HAGH: variants seen among roughly 807,000 people sequenced by gnomAD.
HAGH encodes hydroxyacylglutathione hydrolase, mitochondrial.
A neutral mutation model predicts 35.1 loss-of-function variants in HAGH; 29 were observed. The ratio of observed to expected loss-of-function variants is 0.83; its 90% CI spans 0.62 to 1.13. The LOEUF is 1.13. Ranked by LOEUF, HAGH falls within the 50% of genes most tolerant of loss-of-function variation. The probability of loss-of-function intolerance (pLI) is 0.00; values close to 1 mark genes in which losing one functional copy is unlikely to be tolerated. For synonymous variants in HAGH, 225 were observed against 176.1 expected (o/e 1.28, Z -2.20); for missense variants, 478 against 419.6 (o/e 1.14, Z -1.22).
intron 7 of HAGH, among the ~76,000 whole-genome samples, chr16:1,814,292 T>A (rs1181004892): frequency 6.6e-6 from 1 of 151,884 alleles, no homozygotes; most frequent in Admixed American, 6.6e-5. Context: ...CTGATCAACA[T>A]GGAGAAACCC....
intron 5 of HAGH, chr16:1,818,486 GGC>G (rs2142040184): frequency 6.6e-6 from 1 of 152,466 alleles, no homozygotes; most frequent in South Asian, 2.1e-4. Context: ...TCAAGGCTGG[GGC>G]TGCCACCTCC....
At chr16:1,820,932 T>C (rs1567260758) in intron 3 of HAGH, among the ~76,000 whole-genome samples, 1 of 152,056 alleles carries the variant, frequency 6.6e-6, no homozygotes, top group Non-Finnish European at 1.5e-5. Flanking sequence ...TCGGCATGAA[T>C]GTTAGAGGGG....
rs146939200 is a variant in HAGH, at chr16:1,812,083, G to A, written c.748-2250C>T. ...GGCACAGGCCTGTAGTCCCAGGTAC[G>A]GGAGACTGAGGCAGCAGAATCGCCT... On this transcript the variant is annotated intron_variant, in intron 7 of 8. Transcript: ENST00000397356. 3.6e-4 allele frequency among the ~76,000 whole-genome samples: 54 copies of A among 151,256 alleles called. 2 individuals carry two copies. The East Asian group carries it at 9.9e-3, about 28-fold the overall frequency.
intron 7 of HAGH, among the ~76,000 whole-genome samples, chr16:1,813,283 G>C (rs548098961): frequency 3.3e-5 from 5 of 152,118 alleles, no homozygotes; most frequent in East Asian, 1.9e-4. Context: ...AGCTCCTTTC[G>C]CCTTCTGCCA....
chr16:1,813,398 C>A (rs1479470730), intron 7 of HAGH, among the ~76,000 whole-genome samples: 1 of 152,170 alleles, frequency 6.6e-6, no homozygotes, highest in East Asian at 1.9e-4. Flanking sequence ...TATAAGTCAC[C>A]CGGCCTCAAG....
chr16:1,809,394 A>G lies in HAGH; in HGVS notation c.828-12T>C, dbSNP rs770684375. On this transcript the variant is annotated splice_polypyrimidine_tract_variant and intron_variant, in intron 8 of 8. Coordinates refer to ENST00000397356, the MANE Select transcript of HAGH (RefSeq NM_005326.6). ...GCACCGTCTTCTCCCTGCGGAGGCC[A>G]GCACCGGGCTGCAGGCTGTGCCGAG... The G allele has an allele frequency of 3.1e-6, 5 of 1,602,280 alleles. No individual in the cohort carries two copies. The Admixed American group carries it at 6.7e-5, about 21-fold the overall frequency.
Position 1,819,124 on chromosome 16 carries a change from C to G in HAGH, c.532G>C (p.Val178Leu). ...ACACTCGAACACGCACCTGTGAACA[C>G]GGCAGGGGGCTCCGAGCCTCCGGGC... ...SKPGGSEPPA[V>L]FTGDTLFVAG... The change falls in exon 5 of 9, where the codon GTG (valine) becomes CTG (leucine). Residue 178 changes from valine to leucine, a missense_variant. Coordinates refer to ENST00000397356, the MANE Select transcript of HAGH (RefSeq NM_005326.6). 6.2e-7 allele frequency: 1 copy of G among 1,604,800 alleles called. No individual in the cohort carries two copies. Among genetic ancestry groups the G allele is most frequent in the Non-Finnish European group, 8.5e-7 (1 of 1,172,070 alleles).
intron 7 of HAGH, chr16:1,810,976 C>T (rs940026214): frequency 3.9e-5 from 6 of 152,328 alleles, no homozygotes; most frequent in East Asian, 3.9e-4. Flanking sequence ...CTGCCTCCTA[C>T]GAGGGAAGCA....
chr16:1,823,290 C>T (rs1258384993), intron 1 of HAGH, among the ~76,000 whole-genome samples: 4 of 128,812 alleles, frequency 3.1e-5, no homozygotes, highest in Non-Finnish European at 4.9e-5. Flanking sequence ...TTTTTTGAGA[C>T]GGAGTCTCGC....
Position 1,817,227 on chromosome 16 carries a change from T to C in HAGH, c.586A>G (p.Thr196Ala), listed in dbSNP as rs377263158. The C allele has an allele frequency of 1.2e-6, 2 of 1,613,398 alleles. No individual in the cohort carries two copies. Among genetic ancestry groups the C allele is most frequent in the African/African-American group, 2.7e-5 (2 of 74,828 alleles). Residue 196 changes from threonine to alanine, a missense_variant, in exon 6 of 9, where the codon ACT (threonine) becomes GCT (alanine). Coordinates refer to ENST00000397356, the MANE Select transcript of HAGH (RefSeq NM_005326.6). ...AGAGCTTTACACATCTCATCCGCAGTCCCTTCATAGAACTTCCCGCAGCCA... is the reference window on the plus strand; with the variant it reads ...AGAGCTTTACACATCTCATCCGCAGCCCCTTCATAGAACTTCCCGCAGCCA... ...VAGCGKFYEGTADEMCKALLE... is the reference protein window; with the variant it reads ...VAGCGKFYEGAADEMCKALLE...
rs146616406 is a variant in HAGH, at chr16:1,816,931, C to T, written c.709G>A (p.Gly237Ser). 193 of 1,613,710 alleles carry T rather than the reference C, an allele frequency of 1.2e-4. No individual in the cohort carries two copies. Among genetic ancestry groups the T allele is most frequent in the Non-Finnish European group, 1.5e-4 (181 of 1,179,804 alleles). Residue 237 changes from glycine (G) to serine (S), a missense_variant, in exon 7 of 9, where the codon GGC becomes AGC. Coordinates refer to ENST00000397356, the MANE Select transcript of HAGH (RefSeq NM_005326.6). ...NLKFARHVEP[G>S]NAAIREKLAW... ...AGCTTCTCCCGGATGGCGGCATTGC[C>T]GGGCTCCACGTGGCGTGCAAACTTG...
intron 7 of HAGH, among the ~76,000 whole-genome samples, chr16:1,814,928 T>TACAC (rs758950346): frequency 1.8e-3 from 51 of 28,124 alleles, no homozygotes; most frequent in Middle Eastern, 0.014. Flanking sequence ...TATATATGTA[T>TACAC]ATACACACAC....
chr16:1,822,508 T>C, intron 2 of HAGH, 144 bp from the exon 3 acceptor site: 1 of 719,170 alleles, frequency 1.4e-6, no homozygotes, highest in African/African-American at 1.7e-5. Flanking sequence ...CAGCTTGCCC[T>C]GCTCCAGGAG....
intron 3 of HAGH, 136 bp downstream of exon 3, chr16:1,822,162 CTT>C: frequency 1.6e-6 from 1 of 644,324 alleles, no homozygotes; most frequent in Non-Finnish European, 2.8e-6. Flanking sequence ...AGTCCCGGGT[CTT>C]TCTCAGAAGT....
chr16:1,810,052 C>T, intron 7 of HAGH: 1 of 564,784 alleles, frequency 1.8e-6, no homozygotes, highest in Non-Finnish European at 3.2e-6. Context: ...GTGGTCCCAG[C>T]TACTCAGGGG....
At chr16:1,809,640 C>T in intron 8 of HAGH, 114 bp downstream of exon 8, 1 of 820,230 alleles carries the variant, frequency 1.2e-6, no homozygotes, top group Non-Finnish European at 2.1e-6. Context: ...GCACCTGTGA[C>T]AGCTCCCCAA....
chr16:1,826,617 C>T (rs1354287491), intron 1 of HAGH, 95 bp downstream of exon 1: 2 of 979,850 alleles, frequency 2.0e-6, no homozygotes, highest in African/African-American at 3.5e-5. Context: ...GCAACAGACA[C>T]CGCGTCAGCG....
At chr16:1,822,222 C>G in intron 3 of HAGH, 78 bp downstream of exon 3, 1 of 870,488 alleles carries the variant, frequency 1.1e-6, no homozygotes, top group Non-Finnish European at 1.9e-6. Context: ...TGGGGGGAGA[C>G]AGGCCTTGAT....
At chr16:1,822,278 C>G (rs774974125) in intron 3 of HAGH, 22 bp downstream of exon 3, 1 of 1,555,790 alleles carries the variant, frequency 6.4e-7, no homozygotes, top group South Asian at 1.1e-5. Context: ...TCCCACACCC[C>G]CAGGTGAGAC....
Sources: allele counts gnomAD v4.1 joint callset (sites outside exome capture counted in the v4.1 genomes callset), GRCh38; gene constraint gnomAD v4.1.1; transcripts MANE v1.5; gene names NCBI Gene and HGNC (gene_info 2026-07-23, HGNC 2026-07-21).